The following METTL23 variants were observed in gnomAD, a reference collection of about 807,000 sequenced individuals.
The protein encoded by METTL23 is methyltransferase 23, arginine, also known as histone-arginine methyltransferase METTL23.
Under a neutral mutation model 21.2 loss-of-function variants are expected in METTL23, and 24 were observed. That is an observed-to-expected ratio of 1.13 (90% CI 0.82 to 1.59). The LOEUF (loss-of-function observed/expected upper bound fraction) is 1.59, where lower values mean the gene tolerates loss of function less well. METTL23 is among the 40% of genes most tolerant of loss of function. The probability of loss-of-function intolerance (pLI) is 0.00; values close to 1 mark genes in which losing one functional copy is unlikely to be tolerated. For synonymous variants in METTL23, 97 were observed against 75.2 expected (o/e 1.29, Z -1.50); for missense variants, 276 against 221.4 (o/e 1.25, Z -1.57).
upstream of METTL23, chr17:76,726,721 C>T (rs1462065520): frequency 1.1e-5 from 6 of 539,140 alleles, no homozygotes; most frequent in Non-Finnish European, 2.0e-5. Context: ...GGCTTTGGCT[C>T]CCCTGGGGTA....
chr17:76,733,685 G>GA lies in METTL23; in HGVS notation c.*1dup. 6.2e-7 allele frequency: 1 copy of GA among 1,611,964 alleles called. No individual in the cohort carries two copies. The highest frequency in any genetic ancestry group is 8.5e-7 in the Non-Finnish European group (1 of 1,178,986). The change falls in exon 5 of 5, where the codon TGA becomes TGAA. Residue 191 remains the stop codon, a frameshift_variant and stop_retained_variant. Transcript: ENST00000341249. LOFTEE classifies it high-confidence loss of function. ...ATTTCCTTTGCAAAGGACAGTCTCTGAATTATACCTACAACCTGTTCTGGG... is the reference window on the plus strand; with the variant it reads ...ATTTCCTTTGCAAAGGACAGTCTCTGAAATTATACCTACAACCTGTTCTGGG... ...LVISFAKDSL[*] is the part of the protein sequence containing the mutation.
chr17:76,728,956 G>T (rs2077082704), intron 1 of METTL23, among the ~76,000 whole-genome samples: 1 of 151,306 alleles, frequency 6.6e-6, no homozygotes, highest in South Asian at 2.1e-4. Flanking sequence ...ACCATGTCCG[G>T]CTAATTTTTT....
At chr17:76,732,091 C>G (rs1228718068) in intron 2 of METTL23, among the ~76,000 whole-genome samples, 1 of 147,606 alleles carries the variant, frequency 6.8e-6, no homozygotes, top group African/African-American at 2.7e-5. Flanking sequence ...AGTGCTGTGG[C>G]TCATGCCTGT....
rs565458653 is a variant in METTL23, at chr17:76,727,311, G to A, written c.-22+133G>A. On this transcript the variant is annotated intron_variant, in intron 1 of 4. Coordinates refer to ENST00000341249, the MANE Select transcript of METTL23 (RefSeq NM_001080510.5). ...TTCCTGCTTTAGGTTGACCCCCGGA[G>A]CAAAAACGTCGGATATGAAGCCCTT... 6.2e-5 allele frequency: 21 copies of A among 339,810 alleles called. 1 individual carries two copies. In the East Asian group the frequency reaches 1.5e-3, roughly 25 times the overall value. The allele number at this position is 339,810 out of a possible 1,614,324, so 21.0% of individuals were successfully genotyped here.
chr17:76,729,909 A>G lies in METTL23; in HGVS notation c.84+115A>G, dbSNP rs943350928. 64 of 765,128 alleles carry G rather than the reference A, an allele frequency of 8.4e-5. 1 individual carries two copies. The Admixed American group carries it at 1.4e-3, about 17-fold the overall frequency. The allele number at this position is 765,128 out of a possible 1,614,324, so 47.4% of individuals were successfully genotyped here. On this transcript the variant is annotated intron_variant, in intron 2 of 4. Coordinates refer to ENST00000341249, the MANE Select transcript of METTL23 (RefSeq NM_001080510.5). Reference sequence around the variant, plus strand: ...TAAATATTTTTAAATCGGGTAATTTAGCTAGTTTGTAAGGTCTGTGAGCTA... The same window carrying G: ...TAAATATTTTTAAATCGGGTAATTTGGCTAGTTTGTAAGGTCTGTGAGCTA...
chr17:76,732,854 A>G (rs981796316), intron 2 of METTL23, 124 bp from the exon 3 acceptor site: 11 of 773,152 alleles, frequency 1.4e-5, no homozygotes, highest in Non-Finnish European at 2.3e-5. Context: ...ATTTTATACA[A>G]ACCCAGAAAG....
intron 2 of METTL23, 86 bp downstream of exon 2, chr17:76,729,880 T>C (rs1033984931): frequency 2.1e-6 from 2 of 960,886 alleles, no homozygotes; most frequent in Admixed American, 4.5e-5. Context: ...TTTTTAGCTT[T>C]TGTTAAATAT....
Position 76,733,839 on chromosome 17 carries a change from T to C in METTL23, c.*153T>C. On this transcript the variant is annotated 3_prime_UTR_variant, in exon 5 of 5. Transcript: ENST00000341249. ...ATTTTGATGTCACCTAGACAACACT[T>C]AAACTCATATGAAACAAAAATTAAA... 5.4e-6 allele frequency: 3 copies of C among 551,554 alleles called. No homozygotes were observed. The highest frequency in any genetic ancestry group is 9.1e-6 in the Non-Finnish European group (3 of 328,092). The allele number at this position is 551,554 out of a possible 1,614,324, so 34.2% of individuals were successfully genotyped here. A position where few individuals can be genotyped will look rare whatever the true frequency, so the allele number is the denominator to read the frequency against.
chr17:76,727,673 T>C (rs2077002973), intron 1 of METTL23, among the ~76,000 whole-genome samples: 1 of 152,288 alleles, frequency 6.6e-6, no homozygotes, highest in Non-Finnish European at 1.5e-5. Flanking sequence ...TTTCTTGGGT[T>C]GGACCTCGCT....
At chr17:76,728,490 A>AACC (rs797014225) in intron 1 of METTL23, among the ~76,000 whole-genome samples, 41 of 148,416 alleles carry the variant, frequency 2.8e-4, no homozygotes, top group African/African-American at 9.9e-4. Context: ...AGCTCACTGC[A>AACC]ACCTCCGCCT....
intron 2 of METTL23, chr17:76,732,770 T>C: frequency 1.7e-6 from 1 of 593,910 alleles, no homozygotes; most frequent in South Asian, 2.1e-5. Flanking sequence ...AAGGTTAAGC[T>C]TTTACCTTTT....
rs114299201 is a variant in METTL23, at chr17:76,733,029, G to T, written c.136G>T (p.Glu46Ter). Residue 46 changes from glutamate (E) to a stop codon, truncating the protein, a stop_gained, in exon 3 of 5, where the codon GAA becomes TAA. Transcript: ENST00000341249. LOFTEE classifies it high-confidence loss of function. ...PGILAAKCGA[E>*]VILSDSSELP... ...AATTTTGGCTGCCAAATGTGGTGCA[G>T]AAGTAATACTGTCAGACAGCTCAGA... The T allele has an allele frequency of 1.3e-6, 2 of 1,598,192 alleles. No individual in the cohort carries two copies. The highest frequency in any genetic ancestry group is 1.7e-6 in the Non-Finnish European group (2 of 1,171,524).
intron 1 of METTL23, among the ~76,000 whole-genome samples, 153 bp from the exon 2 acceptor site, chr17:76,729,532 CACATT>C (rs1424942867): frequency 5.3e-5 from 8 of 152,336 alleles, no homozygotes; most frequent in African/African-American, 1.9e-4. Flanking sequence ...GAGTTTCTAT[CACATT>C]GCATTGCAGT....
chr17:76,731,400 G>A (rs1315009482), intron 2 of METTL23, among the ~76,000 whole-genome samples: 1 of 152,216 alleles, frequency 6.6e-6, no homozygotes, highest in Non-Finnish European at 1.5e-5. Flanking sequence ...GTGTTCTTAA[G>A]TGTCTTGTAC....
At chr17:76,726,819 G>T (rs776192724), upstream of METTL23, 16 of 156,612 alleles carry the variant, frequency 1.0e-4, no homozygotes, top group Admixed American at 1.0e-3. Flanking sequence ...CTCCCCTCCC[G>T]CGCTGCCGCT....
upstream of METTL23, chr17:76,726,204 G>A (rs2076928499): frequency 8.6e-7 from 1 of 1,168,248 alleles, no homozygotes; most frequent in African/African-American, 1.6e-5. Flanking sequence ...CGCGCCTCGG[G>A]GACCCCAAAC....
rs773937309 is a variant in METTL23 at position 76,733,165 on chromosome 17, TACC to T, written c.278_280del (p.Pro93del). The T allele has an allele frequency of 1.5e-4, 248 of 1,613,966 alleles. No individual in the cohort carries two copies. Among genetic ancestry groups the T allele is most frequent in the Non-Finnish European group, 1.9e-4 (227 of 1,179,864 alleles). On this transcript the variant is annotated inframe_deletion, in exon 3 of 5. Transcript: ENST00000341249. ...CATATATCTTGGGATCTTCTGGCTC[TACC>T]ACCACAAGATATTATCCTTGCATCT...
intron 2 of METTL23, 193 bp from the exon 3 acceptor site, chr17:76,732,784 AG>A (rs1429350213): frequency 1.7e-6 from 1 of 603,542 alleles, no homozygotes; most frequent in Admixed American, 3.0e-5. Context: ...ACCTTTTAGC[AG>A]AGTAGATTCA....
intron 2 of METTL23, 61 bp from the exon 3 acceptor site, chr17:76,732,917 A>G: frequency 3.0e-6 from 4 of 1,336,124 alleles, no homozygotes; most frequent in Non-Finnish European, 4.2e-6. Flanking sequence ...AAGTACTAAG[A>G]TTCCCAATTA....
Sources: allele counts gnomAD v4.1 joint callset (sites outside exome capture counted in the v4.1 genomes callset), GRCh38; gene constraint gnomAD v4.1.1; transcripts MANE v1.5; gene names NCBI Gene and HGNC (gene_info 2026-07-23, HGNC 2026-07-21).